HERC4: variants seen among roughly 807,000 people sequenced by gnomAD.
The protein encoded by HERC4 is probable E3 ubiquitin-protein ligase HERC4.
Under a neutral mutation model 124.3 loss-of-function variants are expected in HERC4, and 28 were observed. That is an observed-to-expected ratio of 0.23 (90% CI 0.17 to 0.31). The LOEUF (loss-of-function observed/expected upper bound fraction) is 0.31. Among genes scored for constraint, HERC4 ranks in the 10% least tolerant of loss-of-function variants. HERC4 has a pLI of 1.00. For missense variants in HERC4, 713 were observed against 1,229.3 expected (o/e 0.58, Z 6.28); for synonymous variants, 407 against 421.5 (o/e 0.97, Z 0.42).
chr10:68,059,525 A>AATATATATC lies in HERC4; in HGVS notation c.226+13357_226+13358insGATATATAT, dbSNP rs1564607310. On this transcript the variant is annotated intron_variant, in intron 3 of 24. Transcript: ENST00000373700. ...ATATTATAATATTATATATCATAAT[A>AATATATATC]ATATTATATATCATATTATATATCA... 9.9e-4 allele frequency among the ~76,000 whole-genome samples: 109 copies of AATATATATC among 110,102 alleles called. 5 individuals are homozygous for AATATATATC. The highest frequency in any genetic ancestry group is 3.3e-3 in the African/African-American group (103 of 31,170). The allele number at this position is 110,102 out of a possible 152,430, so 72.2% of individuals were successfully genotyped here.
intron 22 of HERC4, among the ~76,000 whole-genome samples, 191 bp downstream of exon 22, chr10:67,935,962 C>A (rs1427099313): frequency 6.6e-6 from 1 of 152,132 alleles, no homozygotes; most frequent in East Asian, 1.9e-4. Flanking sequence ...GCTGCTGTCA[C>A]TTCTCCCTTC....
chr10:68,044,391 T>G lies in HERC4; in HGVS notation c.386+13A>C, dbSNP rs751297240. 2 of 1,596,498 alleles carry G rather than the reference T, an allele frequency of 1.3e-6. No individual in the cohort carries two copies. Among genetic ancestry groups the G allele is most frequent in the Non-Finnish European group, 1.7e-6 (2 of 1,175,090 alleles). On this transcript the variant is annotated intron_variant, in intron 4 of 24. Coordinates refer to ENST00000373700, the MANE Select transcript of HERC4 (RefSeq NM_015601.4). ...AAGATTGTTAAGGACCTCTTTCTGG[T>G]CACCTTTGTTACCTGGGTACTCTGA... is the stretch of plus-strand genomic sequence containing the variant.
rs184931522 is a variant in HERC4 at position 68,066,843 on chromosome 10, T to C, written c.226+6040A>G. On this transcript the variant is annotated intron_variant, in intron 3 of 24. Transcript: ENST00000373700. ...TACCACACAGAGTTATACTGAAGTATCAAAGTGGTATCAGAATGTAAGCAT... is the reference window on the plus strand; with the variant it reads ...TACCACACAGAGTTATACTGAAGTACCAAAGTGGTATCAGAATGTAAGCAT... Among the ~76,000 whole-genome samples, 92 of 152,330 alleles carry C rather than the reference T, an allele frequency of 6.0e-4. 2 individuals carry two copies. Among genetic ancestry groups the C allele is most frequent in the Admixed American group, 4.7e-3 (72 of 15,294 alleles).
intron 8 of HERC4, among the ~76,000 whole-genome samples, chr10:68,020,685 C>T (rs933426474): frequency 2.0e-5 from 3 of 149,800 alleles, no homozygotes; most frequent in Non-Finnish European, 3.0e-5. Context: ...AGGAGAATGG[C>T]GTGAACCCGG....
At chr10:68,006,347 A>G (rs745870692) in intron 9 of HERC4, among the ~76,000 whole-genome samples, 18 of 150,104 alleles carry the variant, frequency 1.2e-4, no homozygotes, top group Non-Finnish European at 2.7e-4. Context: ...TGTTGATGAA[A>G]CGCCTCAGCG....
chr10:67,950,047 C>CA (rs796673214), intron 19 of HERC4, among the ~76,000 whole-genome samples: 35 of 149,056 alleles, frequency 2.3e-4, no homozygotes, highest in Middle Eastern at 3.5e-3. Context: ...AAACAAAAAA[C>CA]AAAAAAAAAG....
intron 23 of HERC4, among the ~76,000 whole-genome samples, chr10:67,930,989 ACTTT>A (rs1243383245): frequency 2.0e-5 from 3 of 150,824 alleles, no homozygotes; most frequent in African/African-American, 2.4e-5. Flanking sequence ...TTAACCTAGC[ACTTT>A]CTTTCTTTTT....
At chr10:68,045,429 T>C (rs2039972049) in intron 3 of HERC4, among the ~76,000 whole-genome samples, 1 of 152,206 alleles carries the variant, frequency 6.6e-6, no homozygotes, top group African/African-American at 2.4e-5. Flanking sequence ...TTAGATATGG[T>C]GAGTAGAGAA....
chr10:68,029,125 CTA>C (rs1287757570), intron 7 of HERC4, among the ~76,000 whole-genome samples: 3 of 152,106 alleles, frequency 2.0e-5, no homozygotes, highest in African/African-American at 7.2e-5. Context: ...CTTCAGTGCA[CTA>C]TGACTGTGCC....
At chr10:67,930,157 A>G (rs1316390966) in intron 23 of HERC4, among the ~76,000 whole-genome samples, 1 of 152,048 alleles carries the variant, frequency 6.6e-6, no homozygotes, top group Non-Finnish European at 1.5e-5. Flanking sequence ...GAATAGGTAT[A>G]CTGTAGTAGG....
At chr10:68,066,400 A>C (rs1225441960) in intron 3 of HERC4, among the ~76,000 whole-genome samples, 1 of 152,218 alleles carries the variant, frequency 6.6e-6, no homozygotes, top group African/African-American at 2.4e-5. Flanking sequence ...CACACTGCTG[A>C]TCTTTTAAGG....
chr10:67,922,202 A>G lies in HERC4; in HGVS notation c.*729T>C. 6.6e-6 allele frequency: 1 copy of G among 152,204 alleles called. No individual in the cohort carries two copies. The highest frequency in any genetic ancestry group is 1.9e-4 in the East Asian group (1 of 5,202). The allele number at this position is 152,204 out of a possible 1,614,324, so 9.4% of individuals were successfully genotyped here. On this transcript the variant is annotated 3_prime_UTR_variant, in exon 25 of 25. Coordinates refer to ENST00000373700, the MANE Select transcript of HERC4 (RefSeq NM_015601.4). ...TTTTATTACTGGCAACTGTGGAGAC[A>G]GAGTTCTTCCAGTACTAAATATTAA...
intron 1 of HERC4, chr10:68,074,862 C>T: frequency 6.5e-6 from 1 of 152,878 alleles, no homozygotes; most frequent in Non-Finnish European, 1.5e-5. Flanking sequence ...CGCCCTATGC[C>T]GGGCCGGCCT....
At chr10:67,979,299 T>G (rs2035788103) in intron 15 of HERC4, among the ~76,000 whole-genome samples, 1 of 152,002 alleles carries the variant, frequency 6.6e-6, no homozygotes, top group South Asian at 2.1e-4. Context: ...TTTAAAAGAA[T>G]GAAGCAATAA....
chr10:68,001,913 C>G (rs1215943890), intron 9 of HERC4, among the ~76,000 whole-genome samples: 1 of 152,112 alleles, frequency 6.6e-6, no homozygotes, highest in Admixed American at 6.6e-5. Context: ...GAATACTATT[C>G]CACTATAGAG....
intron 7 of HERC4, among the ~76,000 whole-genome samples, chr10:68,029,861 C>T (rs1464959482): frequency 6.6e-6 from 1 of 150,888 alleles, no homozygotes; most frequent in East Asian, 2.0e-4. Flanking sequence ...GCCTCAGCCT[C>T]CCGACTACCT....
At chr10:67,958,649 G>C (rs2034297764) in intron 16 of HERC4, among the ~76,000 whole-genome samples, 1 of 152,166 alleles carries the variant, frequency 6.6e-6, no homozygotes, top group Admixed American at 6.5e-5. Flanking sequence ...TATATTAGAA[G>C]TGAGAAAGAT....
chr10:67,993,508 T>C (rs967497329), intron 9 of HERC4: 6 of 148,084 alleles, frequency 4.1e-5, no homozygotes, highest in Non-Finnish European at 7.4e-5. Flanking sequence ...GCAAGCAACA[T>C]AGCAAGACCC....
intron 3 of HERC4, among the ~76,000 whole-genome samples, chr10:68,052,216 T>C (rs1221235533): frequency 6.6e-6 from 1 of 152,234 alleles, no homozygotes; most frequent in East Asian, 1.9e-4. Flanking sequence ...ACTTTGTAGA[T>C]AACGACTTCG....
Sources: allele counts gnomAD v4.1 joint callset (sites outside exome capture counted in the v4.1 genomes callset), GRCh38; gene constraint gnomAD v4.1.1; transcripts MANE v1.5; gene names NCBI Gene and HGNC (gene_info 2026-07-23, HGNC 2026-07-21).